The following PDE10A variants were observed in gnomAD, a reference collection of about 807,000 sequenced individuals.
The protein encoded by PDE10A is cAMP and cAMP-inhibited cGMP 3',5'-cyclic phosphodiesterase 10A.
A neutral mutation model predicts 97.7 loss-of-function variants in PDE10A; 39 were observed. That is an observed-to-expected ratio of 0.40 (90% CI 0.31 to 0.52). PDE10A has a LOEUF of 0.52. Ranked by LOEUF, PDE10A falls within the 20% of genes least tolerant of loss-of-function variation. The probability of loss-of-function intolerance (pLI) is 0.56; values close to 1 mark genes in which losing one functional copy is unlikely to be tolerated. For synonymous variants in PDE10A, 371 were observed against 376.8 expected (o/e 0.98, Z 0.18); for missense variants, 731 against 1,047.8 (o/e 0.70, Z 4.17).
intron 1 of PDE10A, among the ~76,000 whole-genome samples, chr6:165,874,281 C>T (rs1047444160): frequency 4.6e-5 from 7 of 152,198 alleles, no homozygotes; most frequent in Non-Finnish European, 8.8e-5. Context: ...GGAGCCATCA[C>T]TAATGGAGTT....
At chr6:165,365,223 T>A (rs1436085915) in intron 18 of PDE10A, among the ~76,000 whole-genome samples, 1 of 152,150 alleles carries the variant, frequency 6.6e-6, no homozygotes, top group Non-Finnish European at 1.5e-5. Flanking sequence ...TTTAGTAATA[T>A]CAATTAAATT....
intron 1 of PDE10A, among the ~76,000 whole-genome samples, chr6:165,954,157 A>G (rs1299781209): frequency 6.6e-6 from 1 of 152,188 alleles, no homozygotes; most frequent in Non-Finnish European, 1.5e-5. Context: ...TACCTAACCG[A>G]GGGTATCCTG....
intron 1 of PDE10A, among the ~76,000 whole-genome samples, chr6:165,810,552 G>T (rs1054787718): frequency 1.3e-5 from 2 of 152,092 alleles, no homozygotes; most frequent in African/African-American, 4.8e-5. Flanking sequence ...CATGTGCCAT[G>T]TCCCCAGCCA....
At position 165,418,043 on chromosome 6, in the gene PDE10A, C is replaced by G. The variant is rs1044510714; in HGVS notation, c.1796+592G>C. On this transcript the variant is annotated intron_variant, in intron 11 of 21. Transcript: ENST00000539869. This position sits in a 1 kb window ranked among gnomAD's most constrained non-coding sequence, Gnocchi z 4.8. Reference sequence around the variant, plus strand: ...TGTAGGTTTCCAGGTGCGATATGAGCAAGCCCCCATGCCTCCATCAACAAA... The same window carrying G: ...TGTAGGTTTCCAGGTGCGATATGAGGAAGCCCCCATGCCTCCATCAACAAA... Among the ~76,000 whole-genome samples the G allele has an allele frequency of 6.6e-6, 1 of 152,058 alleles. No homozygotes were observed. The highest frequency in any genetic ancestry group is 1.5e-5 in the Non-Finnish European group (1 of 68,028).
intron 1 of PDE10A, among the ~76,000 whole-genome samples, chr6:165,694,424 G>A (rs2128442422): frequency 6.6e-6 from 1 of 152,350 alleles, no homozygotes; most frequent in African/African-American, 2.4e-5. Context: ...ATTTGGCATG[G>A]GGCAGAGCAG....
intron 1 of PDE10A, among the ~76,000 whole-genome samples, chr6:165,562,290 T>G (rs1481177152): frequency 2.0e-5 from 3 of 152,214 alleles, no homozygotes; most frequent in Non-Finnish European, 4.4e-5. Context: ...GAATGTAGCC[T>G]GTTATTAAAT....
intron 10 of PDE10A, among the ~76,000 whole-genome samples, chr6:165,420,618 A>G (rs1788625891): frequency 6.6e-6 from 1 of 152,240 alleles, no homozygotes; most frequent in African/African-American, 2.4e-5. Flanking sequence ...CAGTTGCTTA[A>G]TATTTTGGCA....
intron 1 of PDE10A, among the ~76,000 whole-genome samples, chr6:165,879,597 C>T (rs1781424090): frequency 6.6e-6 from 1 of 152,218 alleles, no homozygotes; most frequent in Non-Finnish European, 1.5e-5. Context: ...GGACCCCCTA[C>T]AGATATCAAA....
At chr6:165,507,681 C>G (rs977793752) in intron 2 of PDE10A, among the ~76,000 whole-genome samples, 1 of 152,062 alleles carries the variant, frequency 6.6e-6, no homozygotes, top group Non-Finnish European at 1.5e-5. Context: ...TTCCTCTCCA[C>G]TTCATTTTCC....
At chr6:165,953,328 C>T (rs300116) in intron 1 of PDE10A, among the ~76,000 whole-genome samples, 8,644 of 152,238 alleles carry the variant, frequency 0.057, 315 homozygotes, top group South Asian at 0.14. Flanking sequence ...CAGTGGCTCA[C>T]GCCTGTAATC....
At chr6:165,685,154 A>T (rs1286347800) in intron 1 of PDE10A, among the ~76,000 whole-genome samples, 2 of 152,178 alleles carry the variant, frequency 1.3e-5, no homozygotes, top group Non-Finnish European at 2.9e-5. Flanking sequence ...CCTCTTCATC[A>T]GGGGTTTAAT....
intron 1 of PDE10A, chr6:165,940,284 T>A (rs1195541968): frequency 1.3e-5 from 2 of 152,208 alleles, no homozygotes; most frequent in Admixed American, 1.3e-4. Flanking sequence ...GCAGACAGGG[T>A]TGGCCCAAAT....
upstream of PDE10A, among the ~76,000 whole-genome samples, chr6:165,667,961 A>C (rs1287434371): frequency 6.6e-6 from 1 of 152,208 alleles, no homozygotes; most frequent in Non-Finnish European, 1.5e-5. Context: ...ATCCATTGGC[A>C]TTTGTAGAGT....
chr6:165,824,866 A>G (rs1387199170), intron 1 of PDE10A, among the ~76,000 whole-genome samples: 1 of 151,128 alleles, frequency 6.6e-6, no homozygotes, highest in East Asian at 1.9e-4. Context: ...GCGGTGGCTC[A>G]TGCCTGTAAT....
At chr6:165,562,508 C>A (rs77731673) in intron 1 of PDE10A, among the ~76,000 whole-genome samples, 2,673 of 152,302 alleles carry the variant, frequency 0.018, 34 homozygotes, top group Non-Finnish European at 0.027. Context: ...AAAACAGCAA[C>A]TAACAATTCT....
At chr6:165,958,721 A>G (rs1423663444) in intron 1 of PDE10A, among the ~76,000 whole-genome samples, 1,370 of 17,730 alleles carry the variant, frequency 0.077, 54 homozygotes, top group African/African-American at 0.28. Flanking sequence ...AGAGAGAAGA[A>G]AGAAAGAAAG....
At chr6:165,698,097 C>A (rs1223710484) in intron 1 of PDE10A, among the ~76,000 whole-genome samples, 2 of 152,084 alleles carry the variant, frequency 1.3e-5, no homozygotes, top group African/African-American at 4.8e-5. Context: ...TCTCATCTTC[C>A]TATTATTAAA....
chr6:165,810,785 C>T (rs191163557), intron 1 of PDE10A, among the ~76,000 whole-genome samples: 6 of 152,238 alleles, frequency 3.9e-5, no homozygotes, highest in Admixed American at 1.3e-4. Context: ...TTTTGTTGGG[C>T]TTTACCCTGT....
intron 1 of PDE10A, among the ~76,000 whole-genome samples, chr6:165,615,332 A>G (rs1787681212): frequency 6.6e-6 from 1 of 152,210 alleles, no homozygotes; most frequent in Non-Finnish European, 1.5e-5. Context: ...AATCATAACA[A>G]TTATGTACAT....
Sources: gnomAD v4.1 joint callset for allele counts (sites outside exome capture counted in the v4.1 genomes callset) on GRCh38, gnomAD v4.1.1 for gene constraint, Gnocchi (gnomAD v3.1) non-coding constraint, MANE v1.5 for transcripts, NCBI Gene and HGNC (gene_info 2026-07-23, HGNC 2026-07-21) for gene names.